Variants in PTPRD observed in about 807,000 individuals in gnomAD.
PTPRD encodes receptor-type tyrosine-protein phosphatase delta.
Under a neutral mutation model 214.5 loss-of-function variants are expected in PTPRD, and 34 were observed. The observed-to-expected ratio is 0.16, with a 90% CI of 0.12 to 0.21. PTPRD has a LOEUF of 0.21. PTPRD is among the 10% of genes least tolerant of loss of function. The probability of loss-of-function intolerance (pLI) is 1.00; values close to 1 mark genes in which losing one functional copy is unlikely to be tolerated. For missense variants in PTPRD, 2,545 were observed against 2,398.7 expected (o/e 1.06, Z -1.27); for synonymous variants, 1,128 against 845.7 (o/e 1.33, Z -5.79).
chr9:9,543,556 G>C lies in PTPRD; in HGVS notation c.-237+31176C>G, dbSNP rs2078086884. Among the ~76,000 whole-genome samples the C allele has an allele frequency of 5.9e-5, 9 of 151,356 alleles. No individual in the cohort carries two copies. The South Asian group carries it at 1.9e-3, about 31-fold the overall frequency. On this transcript the variant is annotated intron_variant, in intron 8 of 45. Coordinates refer to ENST00000381196, the MANE Select transcript of PTPRD (RefSeq NM_002839.4). The stretch of plus-strand genomic sequence containing the variant: ...AGATTTACTAAGTTTTCCAAGGTAG[G>C]GTAGATTTAATGATAGATTTTTTGG...
chr9:8,318,245 A>T (rs995210200), intron 45 of PTPRD, among the ~76,000 whole-genome samples: 34 of 152,096 alleles, frequency 2.2e-4, no homozygotes, highest in African/African-American at 7.5e-4. Context: ...AACCATTACC[A>T]CCAATTGAAC....
At chr9:10,047,479 C>A (rs900037968) in intron 3 of PTPRD, among the ~76,000 whole-genome samples, 1 of 151,834 alleles carries the variant, frequency 6.6e-6, no homozygotes, top group Non-Finnish European at 1.5e-5. Flanking sequence ...TTCTGAAGAG[C>A]AAATCAGGCT....
intron 4 of PTPRD, among the ~76,000 whole-genome samples, chr9:9,980,887 T>C (rs960118048): frequency 6.6e-6 from 1 of 151,720 alleles, no homozygotes; most frequent in Non-Finnish European, 1.5e-5. Flanking sequence ...AATTTAACCA[T>C]GTTACATTCA....
intron 2 of PTPRD, among the ~76,000 whole-genome samples, chr9:10,542,703 C>T (rs1395308252): frequency 6.6e-6 from 1 of 151,730 alleles, no homozygotes; most frequent in Admixed American, 6.6e-5. Flanking sequence ...GATTTTCTTC[C>T]TTTTTTTAAT....
chr9:8,969,262 A>C (rs1253414106), intron 11 of PTPRD, among the ~76,000 whole-genome samples: 2 of 152,080 alleles, frequency 1.3e-5, no homozygotes, highest in African/African-American at 4.8e-5. Context: ...GCCCTCATCA[A>C]ATTCCTGTAG....
At chr9:9,635,899 T>A (rs1247899436) in intron 7 of PTPRD, among the ~76,000 whole-genome samples, 1 of 152,176 alleles carries the variant, frequency 6.6e-6, no homozygotes, top group Non-Finnish European at 1.5e-5. Flanking sequence ...GGAAAAATTA[T>A]TCTCTCCCAG....
intron 9 of PTPRD, among the ~76,000 whole-genome samples, chr9:9,333,306 G>A (rs1026881577): frequency 2.0e-5 from 3 of 151,434 alleles, no homozygotes; most frequent in African/African-American, 7.3e-5. Flanking sequence ...CACTTTAGGG[G>A]GCATATGTCT....
intron 5 of PTPRD, among the ~76,000 whole-genome samples, chr9:9,821,321 A>T (rs2050647680): frequency 6.6e-6 from 1 of 152,192 alleles, no homozygotes; most frequent in Non-Finnish European, 1.5e-5. Context: ...CTGAAATGTC[A>T]AATGTAATTG....
rs559367532 is a variant in PTPRD, at chr9:9,427,660, G to C, written c.-236-30178C>G. 3.3e-5 allele frequency among the ~76,000 whole-genome samples: 5 copies of C among 152,308 alleles called. No homozygotes were observed. In the East Asian group the frequency reaches 9.7e-4, roughly 29 times the overall value. ...GGAGAAAATGTTAAGGGCAGCCAGAGAGAAAGGTTGGGTTACCCACAAAGG... is the reference window on the plus strand; with the variant it reads ...GGAGAAAATGTTAAGGGCAGCCAGACAGAAAGGTTGGGTTACCCACAAAGG... On this transcript the variant is annotated intron_variant, in intron 8 of 45. Coordinates refer to ENST00000381196, the MANE Select transcript of PTPRD (RefSeq NM_002839.4).
chr9:8,814,704 G>T (rs1429227400), intron 11 of PTPRD, among the ~76,000 whole-genome samples: 1 of 152,208 alleles, frequency 6.6e-6, no homozygotes, highest in Non-Finnish European at 1.5e-5. Flanking sequence ...GTATAACCAA[G>T]GATGAGGAAG....
At chr9:9,001,292 CT>C (rs1187265602) in intron 11 of PTPRD, among the ~76,000 whole-genome samples, 1 of 151,994 alleles carries the variant, frequency 6.6e-6, no homozygotes, top group Non-Finnish European at 1.5e-5. Context: ...TAGCAGGAGC[CT>C]TTGAGCTATC....
At chr9:10,251,339 A>G (rs2092743619) in intron 3 of PTPRD, among the ~76,000 whole-genome samples, 1 of 152,084 alleles carries the variant, frequency 6.6e-6, no homozygotes, top group Admixed American at 6.6e-5. Flanking sequence ...AATTAAGTAA[A>G]TCAAGGTCAT....
chr9:8,914,020 C>A (rs1012362614), intron 11 of PTPRD, among the ~76,000 whole-genome samples: 4 of 152,054 alleles, frequency 2.6e-5, no homozygotes, highest in African/African-American at 9.7e-5. Context: ...TCAGTTTGGT[C>A]ATGGATTCAG....
intron 11 of PTPRD, among the ~76,000 whole-genome samples, chr9:8,919,507 A>ATAGTT (rs1430508394): frequency 6.6e-6 from 1 of 151,944 alleles, no homozygotes; most frequent in East Asian, 1.9e-4. Flanking sequence ...CTCTATTATT[A>ATAGTT]TAGTTTTCAT....
At chr9:10,420,534 A>G (rs1196005509) in intron 2 of PTPRD, among the ~76,000 whole-genome samples, 1 of 150,852 alleles carries the variant, frequency 6.6e-6, no homozygotes, top group Non-Finnish European at 1.5e-5. Context: ...TGTTTTTATT[A>G]GTCCTTTAAG....
At chr9:10,365,585 T>C (rs967080614) in intron 2 of PTPRD, among the ~76,000 whole-genome samples, 5 of 152,170 alleles carry the variant, frequency 3.3e-5, no homozygotes, top group Non-Finnish European at 7.3e-5. Context: ...TTAAATGTAT[T>C]TTCTGAGACA....
chr9:9,743,771 A>ACACACACACACACACACAC (rs1218520561), intron 6 of PTPRD, among the ~76,000 whole-genome samples: 5 of 118,756 alleles, frequency 4.2e-5, no homozygotes, highest in Admixed American at 9.3e-5. Flanking sequence ...CACACACACA[A>ACACACACACACACACACAC]TTTATACTGA....
intron 3 of PTPRD, among the ~76,000 whole-genome samples, chr9:10,117,267 A>T (rs2098737685): frequency 1.3e-5 from 2 of 152,122 alleles, no homozygotes; most frequent in Non-Finnish European, 2.9e-5. Context: ...CCATTTTTAG[A>T]ACTGCTAAAT....
intron 11 of PTPRD, among the ~76,000 whole-genome samples, chr9:8,975,945 T>G (rs2099265709): frequency 1.3e-5 from 2 of 152,154 alleles, no homozygotes; most frequent in South Asian, 4.2e-4. Context: ...TATAGATATG[T>G]TGTAATTAAT....
Sources: allele counts gnomAD v4.1 joint callset (sites outside exome capture counted in the v4.1 genomes callset), GRCh38; gene constraint gnomAD v4.1.1; transcripts MANE v1.5; gene names NCBI Gene and HGNC (gene_info 2026-07-23, HGNC 2026-07-21).